TACC3: variants seen among roughly 807,000 people sequenced by gnomAD.
The protein encoded by TACC3 is transforming acidic coiled-coil-containing protein 3.
TACC3 carries 52 observed loss-of-function variants against 86.0 expected under a neutral mutation model. The ratio of observed to expected loss-of-function variants is 0.60; its 90% CI spans 0.48 to 0.76. The LOEUF is 0.76. Ranked by LOEUF, TACC3 falls within the 30% of genes least tolerant of loss-of-function variation. The pLI, the probability that TACC3 is intolerant of heterozygous loss-of-function variation, is 0.00. For synonymous variants in TACC3, 512 were observed against 430.0 expected (o/e 1.19, Z -2.36); for missense variants, 1,120 against 1,070.4 (o/e 1.05, Z -0.65).
Position 1,735,183 on chromosome 4 carries a change from T to C in TACC3, c.1592-90T>C. 1.3e-6 allele frequency: 2 copies of C among 1,524,154 alleles called. No individual in the cohort carries two copies. Among genetic ancestry groups the C allele is most frequent in the Non-Finnish European group, 1.8e-6 (2 of 1,103,286 alleles). 94.4% of individuals were successfully genotyped at this position (1,524,154 alleles called of 1,614,324 possible). A position where few individuals can be genotyped will look rare whatever the true frequency, so the allele number is the denominator to read the frequency against. On this transcript the variant is annotated intron_variant, in intron 6 of 15. Coordinates refer to ENST00000313288, the MANE Select transcript of TACC3 (RefSeq NM_006342.3). The surrounding 1 kb of genome is among the most constrained non-coding windows in gnomAD (Gnocchi z 4.2). ...GAAATACTGCTGGCTGGAATGATCC[T>C]GCCTCACTGAGTGCTGAGGGAGACA...
rs1298606779 is a variant in TACC3 at position 1,728,752 on chromosome 4, G to A, written c.1350G>A (p.Gly450=). The A allele has an allele frequency of 2.5e-6, 4 of 1,610,862 alleles. No homozygotes were observed. Among genetic ancestry groups the A allele is most frequent in the African/African-American group, 2.7e-5 (2 of 74,868 alleles). The change falls in exon 4 of 16, where the codon GGG becomes GGA. Residue 450 remains glycine (G), a synonymous_variant. Transcript: ENST00000313288. ...GQPAAEQLHA[G]PATEEPGPCL... ...CAGCGGCTGAACAGTTGCATGCTGG[G>A]CCTGCCACGGAGGAGCCAGGTCCCT...
chr4:1,727,789 G>C lies in TACC3; in HGVS notation c.387G>C (p.Leu129=), dbSNP rs757885790. ...QKPVEADTDL[L]GDASPAFGSG... is the part of the protein sequence containing the mutation. ...CAGTGGAGGCTGACACCGACCTCCT[G>C]GGGGATGCAAGCCCAGCCTTTGGGA... The change falls in exon 4 of 16, where the codon CTG becomes CTC. Residue 129 remains leucine (L), a synonymous_variant. Transcript: ENST00000313288. 4 of 1,613,112 alleles carry C rather than the reference G, an allele frequency of 2.5e-6. No homozygotes were observed. The highest frequency in any genetic ancestry group is 3.4e-6 in the Non-Finnish European group (4 of 1,179,886).
intron 4 of TACC3, among the ~76,000 whole-genome samples, chr4:1,728,991 C>G (rs1310739662): frequency 6.6e-6 from 1 of 152,214 alleles, no homozygotes; most frequent in Admixed American, 6.5e-5. Flanking sequence ...CCATGCATCT[C>G]TTTAGTGCTC....
chr4:1,730,614 TC>T, intron 4 of TACC3: 1 of 602,944 alleles, frequency 1.7e-6, no homozygotes, highest in East Asian at 3.5e-5. Context: ...TCCTTGTGAT[TC>T]CCTTTGGCTG....
At chr4:1,723,214 G>T in intron 1 of TACC3, 1 of 602,744 alleles carries the variant, frequency 1.7e-6, no homozygotes, top group Non-Finnish European at 3.0e-6. Context: ...CCCCCTGCCA[G>T]GCTGGAGAGT....
chr4:1,729,280 A>G (rs1202028895), intron 4 of TACC3, among the ~76,000 whole-genome samples: 2 of 152,124 alleles, frequency 1.3e-5, no homozygotes, highest in Non-Finnish European at 2.9e-5. Flanking sequence ...GTCCAGCCCT[A>G]CTGGGTCTGT....
At position 1,744,990 on chromosome 4, in the gene TACC3, A is replaced by G; in HGVS notation, c.2494A>G (p.Ile832Val). The G allele has an allele frequency of 1.9e-6, 3 of 1,610,286 alleles. No homozygotes were observed. The highest frequency in any genetic ancestry group is 2.5e-6 in the Non-Finnish European group (3 of 1,178,886). The change falls in exon 16 of 16, where the codon ATC becomes GTC. Residue 832 changes from isoleucine (I) to valine (V), a missense_variant. Physicochemically the swap from Ile to Val is conservative, Grantham distance 29. Transcript: ENST00000313288. ...GCTGACCAGGATCTGCGACGACCTC[A>G]TCTCCAAGATGGAGAAGATCTGACC... ...EELTRICDDL[I>V]SKMEKI
chr4:1,732,228 CGT>C (rs1193746255), intron 6 of TACC3, among the ~76,000 whole-genome samples: 8 of 148,300 alleles, frequency 5.4e-5, no homozygotes, highest in Middle Eastern at 3.7e-3. Context: ...ACGGTTTGTC[CGT>C]AAGATTGGAG....
At chr4:1,742,266 C>CCGTCT (rs1411578685) in intron 13 of TACC3, 2 of 152,328 alleles carry the variant, frequency 1.3e-5, no homozygotes, top group Admixed American at 1.3e-4. Flanking sequence ...CCAGCACAGA[C>CCGTCT]GCTTGGAGAG....
Position 1,727,743 on chromosome 4 carries a change from C to G in TACC3, c.341C>G (p.Thr114Ser). The change falls in exon 4 of 16, where the codon ACT becomes AGT. Residue 114 changes from threonine to serine, a missense_variant. By Grantham distance (58) the Thr-to-Ser change is moderately conservative. Coordinates refer to ENST00000313288, the MANE Select transcript of TACC3 (RefSeq NM_006342.3). ...QLIKEVDAKT[T>S]HGILQKPVEA... Reference sequence around the variant, plus strand: ...ATCAAGGAAGTGGATGCCAAAACTACTCATGGAATTCTACAGAAACCAGTG... The same window carrying G: ...ATCAAGGAAGTGGATGCCAAAACTAGTCATGGAATTCTACAGAAACCAGTG... 6.3e-7 allele frequency: 1 copy of G among 1,598,148 alleles called. No individual in the cohort carries two copies. The highest frequency in any genetic ancestry group is 8.5e-7 in the Non-Finnish European group (1 of 1,171,514).
At chr4:1,734,461 T>C (rs1718155782) in intron 6 of TACC3, among the ~76,000 whole-genome samples, 1 of 152,212 alleles carries the variant, frequency 6.6e-6, no homozygotes, top group Non-Finnish European at 1.5e-5. Flanking sequence ...GTGCTGGGAT[T>C]ACAGATGTGA....
intron 1 of TACC3, among the ~76,000 whole-genome samples, chr4:1,722,262 C>A (rs910929302): frequency 6.6e-6 from 1 of 152,226 alleles, no homozygotes; most frequent in African/African-American, 2.4e-5. Context: ...TCCCGAGCTC[C>A]TCCAGGCCGC....
rs774187972 is a variant in TACC3 at position 1,737,962 on chromosome 4, G to A, written c.1941+260G>A. On this transcript the variant is annotated intron_variant, in intron 10 of 15. Transcript: ENST00000313288. Reference sequence around the variant, plus strand: ...CGGGACTCTCCGGCCTGGGCATGGCGTTGGCCTCTGGTGGCCTTGCAGCAG... The same window carrying A: ...CGGGACTCTCCGGCCTGGGCATGGCATTGGCCTCTGGTGGCCTTGCAGCAG... 159 of 576,806 alleles carry A rather than the reference G, an allele frequency of 2.8e-4. 2 individuals carry two copies. Among genetic ancestry groups the A allele is most frequent in the South Asian group, 5.3e-4 (33 of 62,208 alleles). The allele number at this position is 576,806 out of a possible 1,614,324, so 35.7% of individuals were successfully genotyped here.
chr4:1,724,521 G>C (rs1022291769), intron 3 of TACC3, among the ~76,000 whole-genome samples: 2 of 149,536 alleles, frequency 1.3e-5, no homozygotes, highest in Non-Finnish European at 3.0e-5. Flanking sequence ...CTCCCGAGTA[G>C]CTGGGGCTAC....
In TACC3 at chr4:1,745,037, C is replaced by T. The variant is rs372428037; in HGVS notation, c.*24C>T. On this transcript the variant is annotated 3_prime_UTR_variant, in exon 16 of 16. Coordinates refer to ENST00000313288, the MANE Select transcript of TACC3 (RefSeq NM_006342.3). ...GACCTCCACGGAGCCGCTGTCCCCG[C>T]CCCCCTGCTCCCGTCTGTCTGTCCT... 4 of 1,585,136 alleles carry T rather than the reference C, an allele frequency of 2.5e-6. No homozygotes were observed. The highest frequency in any genetic ancestry group is 3.4e-6 in the Non-Finnish European group (4 of 1,165,742).
In TACC3 at chr4:1,739,491, G is replaced by A. The variant is rs1577223071; in HGVS notation, c.1942-211G>A. On this transcript the variant is annotated intron_variant, in intron 10 of 15. Transcript: ENST00000313288. ...CCAGGAGCACAGCCAGCAGCCTCATGCCTCCTGCCCCCTGGCAGTCGGGTG... is the reference window on the plus strand; with the variant it reads ...CCAGGAGCACAGCCAGCAGCCTCATACCTCCTGCCCCCTGGCAGTCGGGTG... 39 of 584,024 alleles carry A rather than the reference G, an allele frequency of 6.7e-5. No homozygotes were observed. In the East Asian group the frequency reaches 1.1e-3, roughly 16 times the overall value. The allele number at this position is 584,024 out of a possible 1,614,324, so 36.2% of individuals were successfully genotyped here.
chr4:1,720,652 G>A (rs1016696771), upstream of TACC3: 1 of 1,545,016 alleles, frequency 6.5e-7, no homozygotes, highest in Admixed American at 2.0e-5. This position sits in a 1 kb window ranked among gnomAD's most constrained non-coding sequence, Gnocchi z 4.4. Context: ...GCAGCGAGTG[G>A]CACAACAGCG....
intron 10 of TACC3, chr4:1,739,410 TG>T (rs1227307853): frequency 2.0e-6 from 1 of 503,262 alleles, no homozygotes; most frequent in African/African-American, 1.9e-5. Flanking sequence ...TATCTGCCAC[TG>T]GGCTGCGGGG....
chr4:1,739,893 T>TCCCCAC (rs1718492699), intron 11 of TACC3, 66 bp from the exon 12 acceptor site: 1 of 1,525,566 alleles, frequency 6.6e-7, no homozygotes, highest in Non-Finnish European at 8.8e-7. Flanking sequence ...CCCGTCCCCA[T>TCCCCAC]CCCCACCTGG....
Sources: allele counts gnomAD v4.1 joint callset (sites outside exome capture counted in the v4.1 genomes callset), GRCh38; gene constraint gnomAD v4.1.1; non-coding constraint Gnocchi (gnomAD v3.1); transcripts MANE v1.5; gene names NCBI Gene and HGNC (gene_info 2026-07-23, HGNC 2026-07-21).